CROCC: variants seen among roughly 807,000 people sequenced by gnomAD.
CROCC encodes the protein rootletin.
CROCC carries 180 observed loss-of-function variants against 245.2 expected under a neutral mutation model. The ratio of observed to expected loss-of-function variants is 0.73; its 90% CI spans 0.65 to 0.83. The LOEUF (loss-of-function observed/expected upper bound fraction) is 0.83, where lower values mean the gene tolerates loss of function less well. Among genes scored for constraint, CROCC ranks in the 40% least tolerant of loss-of-function variants. The pLI is 0.00. For synonymous variants in CROCC, 1,205 were observed against 1,241.6 expected, an observed-to-expected ratio of 0.97 and a Z score of 0.62; for missense variants, 2,688 against 2,779.4, an observed-to-expected ratio of 0.97 and a Z score of 0.74.
chr1:16,947,187 A>G (rs1219542450), intron 17 of CROCC, among the ~76,000 whole-genome samples, 196 bp downstream of exon 17: 4 of 152,268 alleles, frequency 2.6e-5, no homozygotes, highest in African/African-American at 7.2e-5. Flanking sequence ...CATCTATAAC[A>G]TGGGGCCAGC....
rs2075858381 is a variant in CROCC at position 16,939,043 on chromosome 1, A to C, written c.1509A>C (p.Arg503=). The C allele has an allele frequency of 1.3e-6, 2 of 1,592,726 alleles. No homozygotes were observed. Among genetic ancestry groups the C allele is most frequent in the Non-Finnish European group, 1.7e-6 (2 of 1,173,058 alleles). Residue 503 remains arginine (R), a synonymous_variant, in exon 12 of 37, where the codon CGA becomes CGC. Coordinates refer to ENST00000375541, the MANE Select transcript of CROCC (RefSeq NM_014675.5). ...CACCGCGGCGCTCCTCGCCCGGCCG[A>C]GGCCGTTCACCCCGCCGAGGCCCCT... ...PSPPRRSSPG[R]GRSPRRGPSP... is the part of the protein sequence containing the mutation.
chr1:16,956,319 G>A (rs2076250281), intron 25 of CROCC, among the ~76,000 whole-genome samples, 163 bp downstream of exon 25: 1 of 152,208 alleles, frequency 6.6e-6, no homozygotes, highest in Non-Finnish European at 1.5e-5. Context: ...GCTTTGAGGA[G>A]TCCTTGAATC....
intron 1 of CROCC, among the ~76,000 whole-genome samples, chr1:16,916,045 G>A (rs1176211267): frequency 2.6e-5 from 4 of 152,220 alleles, no homozygotes; most frequent in Non-Finnish European, 5.9e-5. Context: ...GCGTGGTGGT[G>A]CATGCCTGTA....
chr1:16,955,192 C>T lies in CROCC; in HGVS notation c.3466-120C>T, dbSNP rs772259923. Reference sequence around the variant, plus strand: ...TGCTCAAATGATAACTCACAGCCTGCGGTCTGAGCACTGCAGAGGGATGGG... The same window carrying T: ...TGCTCAAATGATAACTCACAGCCTGTGGTCTGAGCACTGCAGAGGGATGGG... On this transcript the variant is annotated intron_variant, in intron 23 of 36. Coordinates refer to ENST00000375541, the MANE Select transcript of CROCC (RefSeq NM_014675.5). The T allele has an allele frequency of 1.8e-4, 162 of 921,762 alleles. 1 individual carries two copies. The highest frequency in any genetic ancestry group is 7.2e-4 in the South Asian group (46 of 64,074). The allele number at this position is 921,762 out of a possible 1,614,324, so 57.1% of individuals were successfully genotyped here.
chr1:16,965,914 T>C, intron 28 of CROCC, 22 bp downstream of exon 28: 1 of 1,606,746 alleles, frequency 6.2e-7, no homozygotes, highest in Non-Finnish European at 8.5e-7. Context: ...TGTGCATGGC[T>C]GGATGGGGAA....
At chr1:16,930,738 G>A (rs1452805711) in intron 7 of CROCC, 144 bp downstream of exon 7, 9 of 1,017,370 alleles carry the variant, frequency 8.8e-6, no homozygotes, top group African/African-American at 1.6e-5. Flanking sequence ...CATCACAATA[G>A]CTGGTCTTTA....
rs756584317 is a variant in CROCC, at chr1:16,937,696, G to A, written c.1249G>A (p.Asp417Asn). 6.2e-7 allele frequency: 1 copy of A among 1,611,500 alleles called. No individual in the cohort carries two copies. Among genetic ancestry groups the A allele is most frequent in the Non-Finnish European group, 8.5e-7 (1 of 1,179,572 alleles). ...KRLEKQNLEK[D>N]QVNKDLTEKL... ...TCTTGAGAAGCAGAATCTGGAGAAG[G>A]ATCAGGTCAACAAGGACCTCACTGA... The change falls in exon 10 of 37, where the codon GAT becomes AAT. Residue 417 changes from aspartate to asparagine, a missense_variant. Asp to Asn is a conservative substitution (Grantham distance 23). Coordinates refer to ENST00000375541, the MANE Select transcript of CROCC (RefSeq NM_014675.5).
At chr1:16,939,333 A>G (rs545693303) in intron 12 of CROCC, among the ~76,000 whole-genome samples, 191 bp downstream of exon 12, 18 of 152,154 alleles carry the variant, frequency 1.2e-4, no homozygotes, top group Middle Eastern at 3.2e-3. Flanking sequence ...GAGGTGGCCG[A>G]GAGCTCTGCG....
In CROCC at chr1:16,955,388, A is replaced by G; in HGVS notation, c.3542A>G (p.Gln1181Arg). Residue 1181 changes from glutamine to arginine, a missense_variant, in exon 24 of 37, where the codon CAG becomes CGG. Gln to Arg is a conservative substitution (Grantham distance 43). Coordinates refer to ENST00000375541, the MANE Select transcript of CROCC (RefSeq NM_014675.5). ...DGLRRELLEAQRKLRESQEGR... is the reference protein window; with the variant it reads ...DGLRRELLEARRKLRESQEGR... ...CTGCGGCGGGAGCTGCTGGAGGCCC[A>G]GCGCAAGCTGCGTGAGAGCCAGGAG... The G allele has an allele frequency of 2.5e-6, 4 of 1,605,688 alleles. No individual in the cohort carries two copies. The highest frequency in any genetic ancestry group is 1.7e-6 in the Non-Finnish European group (2 of 1,179,262).
At position 16,961,086 on chromosome 1, in the gene CROCC, C is replaced by G. The variant is rs535606357; in HGVS notation, c.4361C>G (p.Pro1454Arg). Residue 1454 changes from proline to arginine, a missense_variant, in exon 27 of 37, where the codon CCG (proline) becomes CGG (arginine). Physicochemically the swap from Pro to Arg is moderately radical, Grantham distance 103. Transcript: ENST00000375541. ...CTCGGTCGCGCGCCCAGCCCAGCCC[C>G]GCGGCCAGTGCCCGGTTCCCCTGCC... ...LGLGRAPSPA[P>R]RPVPGSPARD... 7.3e-7 allele frequency: 1 copy of G among 1,364,212 alleles called. No homozygotes were observed. The highest frequency in any genetic ancestry group is 3.1e-5 in the East Asian group (1 of 32,294). 84.5% of individuals were successfully genotyped at this position (1,364,212 alleles called of 1,614,324 possible). A position where few individuals can be genotyped will look rare whatever the true frequency, so the allele number is the denominator to read the frequency against.
intron 17 of CROCC, among the ~76,000 whole-genome samples, chr1:16,948,031 G>T (rs1347409424): frequency 1.3e-5 from 2 of 152,266 alleles, no homozygotes; most frequent in African/African-American, 4.8e-5. Flanking sequence ...TAGAGACAGG[G>T]TTTCACCCCG....
chr1:16,934,280 T>C (rs2075742115), intron 8 of CROCC, among the ~76,000 whole-genome samples: 1 of 152,194 alleles, frequency 6.6e-6, no homozygotes, highest in African/African-American at 2.4e-5. Flanking sequence ...AAGGAAAGGA[T>C]TTAACCTGTA....
chr1:16,950,705 A>C (rs932760136), intron 19 of CROCC, among the ~76,000 whole-genome samples: 1 of 152,224 alleles, frequency 6.6e-6, no homozygotes, highest in Admixed American at 6.5e-5. Flanking sequence ...AGGCCTTCTC[A>C]TCAGTCATTT....
rs559228097 is a variant in CROCC at position 16,966,363 on chromosome 1, G to C, written c.4697-45G>C. Reference sequence around the variant, plus strand: ...CATTTTGTGACCTGGTTTGGGTCTCGGGGCTGTGCTTGGCCATGCCTGACG... The same window carrying C: ...CATTTTGTGACCTGGTTTGGGTCTCCGGGCTGTGCTTGGCCATGCCTGACG... On this transcript the variant is annotated intron_variant, in intron 29 of 36. Transcript: ENST00000375541. This position sits in a 1 kb window ranked among gnomAD's most constrained non-coding sequence, Gnocchi z 4.8. 1 of 1,482,848 alleles carries C rather than the reference G, an allele frequency of 6.7e-7. No individual in the cohort carries two copies. The highest frequency in any genetic ancestry group is 9.0e-7 in the Non-Finnish European group (1 of 1,115,554). The allele number at this position is 1,482,848 out of a possible 1,614,324, so 91.9% of individuals were successfully genotyped here. A position where few individuals can be genotyped will look rare whatever the true frequency, so the allele number is the denominator to read the frequency against.
rs1468236468 is a variant in CROCC at position 16,968,935 on chromosome 1, G to A, written c.5077-181G>A. 4 of 705,460 alleles carry A rather than the reference G, an allele frequency of 5.7e-6. No homozygotes were observed. In the Admixed American group the frequency reaches 7.5e-5, roughly 13 times the overall value. The allele number at this position is 705,460 out of a possible 1,614,324, so 43.7% of individuals were successfully genotyped here. On this transcript the variant is annotated intron_variant, in intron 31 of 36. Coordinates refer to ENST00000375541, the MANE Select transcript of CROCC (RefSeq NM_014675.5). ...AGTAGTTAGCCAGCAATGGGATGGG[G>A]CCCAGGTGGCAGTAGGCTGAGCCAG...
chr1:16,930,976 G>T (rs1199116809), intron 7 of CROCC, among the ~76,000 whole-genome samples: 4 of 152,262 alleles, frequency 2.6e-5, no homozygotes, highest in African/African-American at 7.2e-5. Context: ...AATAAATAAA[G>T]AGAGTTTAAG....
intron 2 of CROCC, 26 bp from the exon 3 acceptor site, chr1:16,924,299 A>C (rs1334320405): frequency 6.2e-7 from 1 of 1,604,956 alleles, no homozygotes; most frequent in Non-Finnish European, 8.5e-7. Flanking sequence ...CCAGAAGCCA[A>C]CCATGTGCCC....
At chr1:16,952,435 A>G (rs1326091176) in intron 20 of CROCC, among the ~76,000 whole-genome samples, 2 of 151,754 alleles carry the variant, frequency 1.3e-5, no homozygotes, top group Admixed American at 6.6e-5. Flanking sequence ...CAGTGAGCCA[A>G]AATCTCGCCA....
At chr1:16,944,861 G>A (rs1201704067) in intron 14 of CROCC, among the ~76,000 whole-genome samples, 2 of 152,276 alleles carry the variant, frequency 1.3e-5, no homozygotes, top group Non-Finnish European at 2.9e-5. Flanking sequence ...GTAGACTGTG[G>A]TGGAGCATGT....
Sources: gnomAD v4.1 joint callset for allele counts (sites outside exome capture counted in the v4.1 genomes callset) on GRCh38, gnomAD v4.1.1 for gene constraint, Gnocchi (gnomAD v3.1) non-coding constraint, MANE v1.5 for transcripts, NCBI Gene and HGNC (gene_info 2026-07-23, HGNC 2026-07-21) for gene names.